CAND2: variants seen among roughly 807,000 people sequenced by gnomAD.
The protein encoded by CAND2 is cullin-associated NEDD8-dissociated protein 2.
A neutral mutation model predicts 98.9 loss-of-function variants in CAND2; 62 were observed. The observed-to-expected ratio is 0.63, with a 90% CI of 0.51 to 0.77. The LOEUF is 0.77. Among genes scored for constraint, CAND2 ranks in the 30% least tolerant of loss-of-function variants. CAND2 has a pLI of 0.00. For missense variants in CAND2, 1,501 were observed against 1,655.2 expected (o/e 0.91, Z 1.62); for synonymous variants, 770 against 731.9 (o/e 1.05, Z -0.84).
At chr3:12,821,873 A>G (rs1329048351) in intron 11 of CAND2, among the ~76,000 whole-genome samples, 1 of 152,158 alleles carries the variant, frequency 6.6e-6, no homozygotes, top group East Asian at 1.9e-4. Context: ...TTGATCACCC[A>G]GTTCAGGTGG....
chr3:12,804,615 G>A (rs896218240), intron 2 of CAND2, among the ~76,000 whole-genome samples: 2 of 152,224 alleles, frequency 1.3e-5, no homozygotes, highest in African/African-American at 4.8e-5. Context: ...TGCAGAGCAC[G>A]TGGGGATGCT....
chr3:12,822,836 G>T (rs572318781), intron 11 of CAND2, among the ~76,000 whole-genome samples: 1 of 152,112 alleles, frequency 6.6e-6, no homozygotes, highest in Non-Finnish European at 1.5e-5. Context: ...ATGTCTATAC[G>T]CAGAGACACA....
Position 12,828,080 on chromosome 3 carries a change from C to T in CAND2, c.3375+476C>T, listed in dbSNP as rs367746556. 1.3e-4 allele frequency among the ~76,000 whole-genome samples: 20 copies of T among 152,138 alleles called. 1 individual carries two copies. The highest frequency in any genetic ancestry group is 9.6e-4 in the East Asian group (5 of 5,182). On this transcript the variant is annotated intron_variant, in intron 13 of 14. Coordinates refer to ENST00000456430, the MANE Select transcript of CAND2 (RefSeq NM_001162499.2). ...CATTGAGGAGCGAGCTGCATCTCTT[C>T]GTGTTGTGACCTGAAAGAGCTCCAA... is the stretch of plus-strand genomic sequence containing the variant.
chr3:12,833,570 C>T (rs2062072846), intron 14 of CAND2, among the ~76,000 whole-genome samples, 185 bp from the exon 15 acceptor site: 1 of 152,130 alleles, frequency 6.6e-6, no homozygotes. Flanking sequence ...GGAAACTAGC[C>T]AGTGCAAAAG....
chr3:12,828,272 A>G (rs1212499703), intron 13 of CAND2, among the ~76,000 whole-genome samples: 5 of 151,264 alleles, frequency 3.3e-5, no homozygotes, highest in African/African-American at 1.2e-4. Flanking sequence ...AAATCATTTA[A>G]TTGTGGCGAA....
chr3:12,832,436 T>TG, intron 14 of CAND2: 1 of 152,324 alleles, frequency 6.6e-6, no homozygotes, highest in Non-Finnish European at 1.5e-5. Context: ...GGCACTGCAG[T>TG]GCCAGAACAT....
intron 13 of CAND2, among the ~76,000 whole-genome samples, chr3:12,829,780 T>C (rs186023921): frequency 6.6e-6 from 1 of 152,322 alleles, no homozygotes; most frequent in East Asian, 1.9e-4. Context: ...TTTCTAGAAA[T>C]GGGATCACAC....
At position 12,834,223 on chromosome 3, in the gene CAND2, GAA is replaced by G. The variant is rs1470188451; in HGVS notation, c.*243_*244del. Reference sequence around the variant, plus strand: ...CCTTAACTCAGGACAGTCATCCAAAGAAATAGGGTGAGGAAGTTTTCCAGTGA... The same window carrying G: ...CCTTAACTCAGGACAGTCATCCAAAGATAGGGTGAGGAAGTTTTCCAGTGA... On this transcript the variant is annotated 3_prime_UTR_variant, in exon 15 of 15. Transcript: ENST00000456430. 17 of 544,136 alleles carry G rather than the reference GAA, an allele frequency of 3.1e-5. No homozygotes were observed. Among genetic ancestry groups the G allele is most frequent in the Middle Eastern group, 4.9e-4 (1 of 2,026 alleles). 33.7% of individuals were successfully genotyped at this position (544,136 alleles called of 1,614,324 possible).
rs563551519 is a variant in CAND2, at chr3:12,834,516, GGAA to G, written c.*537_*539del. ...AGTGGCAGTGATGAATCAGAAATTT[GGAA>G]GATGATACGGGTTTCTTTTTTCCAG... On this transcript the variant is annotated 3_prime_UTR_variant, in exon 15 of 15. Transcript: ENST00000456430. The G allele has an allele frequency of 1.6e-4, 25 of 155,042 alleles. No homozygotes were observed. In the South Asian group the frequency reaches 4.8e-3, roughly 30 times the overall value. The allele number at this position is 155,042 out of a possible 1,614,324, so 9.6% of individuals were successfully genotyped here.
At chr3:12,813,760 C>T (rs1420343011) in intron 7 of CAND2, among the ~76,000 whole-genome samples, 3 of 152,204 alleles carry the variant, frequency 2.0e-5, no homozygotes, top group Non-Finnish European at 4.4e-5. Flanking sequence ...CCACCGTGTA[C>T]CCTTTTATGA....
chr3:12,823,646 C>T (rs1397382550), intron 11 of CAND2, among the ~76,000 whole-genome samples: 4 of 152,112 alleles, frequency 2.6e-5, no homozygotes, highest in African/African-American at 7.2e-5. Flanking sequence ...AGGAGAATGG[C>T]GTGAACCCGG....
intron 1 of CAND2, among the ~76,000 whole-genome samples, chr3:12,802,266 G>A (rs567572471): frequency 4.0e-4 from 61 of 152,324 alleles, no homozygotes; most frequent in African/African-American, 1.4e-3. Flanking sequence ...GATGGAGCTT[G>A]CAGTGAGCTG....
chr3:12,826,816 A>T (rs1575781279), intron 12 of CAND2, among the ~76,000 whole-genome samples: 1 of 149,556 alleles, frequency 6.7e-6, no homozygotes, highest in African/African-American at 2.5e-5. Context: ...ATTAAATGGG[A>T]TCAGTAACAT....
chr3:12,810,276 C>A lies in CAND2; in HGVS notation c.709C>A (p.Leu237Met), dbSNP rs867687295. The A allele has an allele frequency of 1.3e-6, 2 of 1,503,626 alleles. No homozygotes were observed. Among genetic ancestry groups the A allele is most frequent in the East Asian group, 2.7e-5 (1 of 36,626 alleles). 93.1% of individuals were successfully genotyped at this position (1,503,626 alleles called of 1,614,324 possible). A position where few individuals can be genotyped will look rare whatever the true frequency, so the allele number is the denominator to read the frequency against. Residue 237 changes from leucine (L) to methionine (M), a missense_variant, in exon 5 of 15, where the codon CTG becomes ATG. This residue lies in a region of CAND2 where 1,427 missense variants were observed against 1,545.3 expected (regional missense o/e 0.92). Transcript: ENST00000456430. ...CACCAGCCCGACTGCCATCCGCACC[C>A]TGATCCAATGTTTGGGCAGCGTCGG... is the stretch of plus-strand genomic sequence containing the variant. ...VPTSPTAIRT[L>M]IQCLGSVGRQ...
chr3:12,829,600 G>A (rs1188987248), intron 13 of CAND2, among the ~76,000 whole-genome samples: 1 of 152,180 alleles, frequency 6.6e-6, no homozygotes, highest in Non-Finnish European at 1.5e-5. Context: ...TCACCCAAAA[G>A]CTTCTCCACA....
In CAND2 at chr3:12,820,109, G is replaced by A. The variant is rs3817121; in HGVS notation, c.2968G>A (p.Val990Ile). The A allele has an allele frequency of 0.17, 272,352 of 1,612,142 alleles. 25,724 individuals carry two copies. The highest frequency in any genetic ancestry group is 0.35 in the Admixed American group (21,201 of 59,954). ...AGGTCGGCCACACACCCGGAGCACC[G>A]TCATCACAGCGGTCAAGTTCCTTAT... ...AAGRPHTRST[V>I]ITAVKFLISD... The change falls in exon 11 of 15, where the codon GTC becomes ATC. Residue 990 changes from valine (V) to isoleucine (I), a missense_variant. By Grantham distance (29) the Val-to-Ile change is conservative. Transcript: ENST00000456430.
At chr3:12,825,442 C>T (rs1255676484) in intron 11 of CAND2, 28 bp from the exon 12 acceptor site, 18 of 1,540,936 alleles carry the variant, frequency 1.2e-5, no homozygotes, top group Non-Finnish European at 1.6e-5. Context: ...GCTGTGCATC[C>T]CCCACGCCCC....
In CAND2 at chr3:12,815,003, C is replaced by T; in HGVS notation, c.1007-138C>T. The T allele has an allele frequency of 1.3e-6, 1 of 792,228 alleles. No individual in the cohort carries two copies. Among genetic ancestry groups the T allele is most frequent in the Non-Finnish European group, 2.0e-6 (1 of 501,208 alleles). 49.1% of individuals were successfully genotyped at this position (792,228 alleles called of 1,614,324 possible). A position where few individuals can be genotyped will look rare whatever the true frequency, so the allele number is the denominator to read the frequency against. ...CCATTAAAAGGTAGGGAATGTTCCC[C>T]ATAGGGTATCTATAAATGCTGATCA... On this transcript the variant is annotated intron_variant, in intron 7 of 14. Transcript: ENST00000456430. This position sits in a 1 kb window ranked among gnomAD's most constrained non-coding sequence, Gnocchi z 5.7.
rs534891515 is a variant in CAND2 at position 12,801,494 on chromosome 3, C to T, written c.69-1994C>T. On this transcript the variant is annotated intron_variant, in intron 1 of 14. Coordinates refer to ENST00000456430, the MANE Select transcript of CAND2 (RefSeq NM_001162499.2). Reference sequence around the variant, plus strand: ...ATTTTGGCGGGAATGGTGCCCAATTCCCGCACCATTCCTCGACTTGGAAAG... The same window carrying T: ...ATTTTGGCGGGAATGGTGCCCAATTTCCGCACCATTCCTCGACTTGGAAAG... Among the ~76,000 whole-genome samples the T allele has an allele frequency of 5.3e-5, 8 of 152,338 alleles. No homozygotes were observed. In the South Asian group the frequency reaches 1.4e-3, roughly 28 times the overall value.
Sources: gnomAD v4.1 joint callset for allele counts (sites outside exome capture counted in the v4.1 genomes callset) on GRCh38, gnomAD v4.1.1 for gene constraint, gnomAD v4.1.1 regional missense constraint, Gnocchi (gnomAD v3.1) non-coding constraint, MANE v1.5 for transcripts, NCBI Gene and HGNC (gene_info 2026-07-23, HGNC 2026-07-21) for gene names.